The following WRN variants were observed in gnomAD, a reference collection of about 807,000 sequenced individuals.
WRN encodes the protein bifunctional 3'-5' exonuclease/ATP-dependent helicase WRN.
In WRN, 149 loss-of-function variants were observed where a neutral mutation model predicts 180.7. The observed-to-expected ratio is 0.82, with a 90% CI of 0.72 to 0.94. The LOEUF (loss-of-function observed/expected upper bound fraction) is 0.94, where lower values mean the gene tolerates loss of function less well. WRN is among the 40% of genes least tolerant of loss of function. The probability of loss-of-function intolerance (pLI) is 0.00; values close to 1 mark genes in which losing one functional copy is unlikely to be tolerated. For missense variants in WRN, 1,661 were observed against 1,700.1 expected (o/e 0.98, Z 0.40); for synonymous variants, 548 against 568.9 (o/e 0.96, Z 0.52).
chr8:31,114,173 G>A (rs1324734126), intron 19 of WRN, among the ~76,000 whole-genome samples: 2 of 152,068 alleles, frequency 1.3e-5, no homozygotes, highest in African/African-American at 2.4e-5. Flanking sequence ...AGCATTGCCC[G>A]TTATTTCCAT....
intron 11 of WRN, among the ~76,000 whole-genome samples, chr8:31,087,059 A>T (rs567491349): frequency 4.6e-4 from 53 of 115,348 alleles, no homozygotes; most frequent in African/African-American, 9.3e-4. Context: ...ACTTTTTTTT[A>T]AAAAAAAACC....
rs186424616 is a variant in WRN at position 31,167,217 on chromosome 8, G to A, written c.4178G>A (p.Gly1393Asp). Reference protein sequence around the residue: ...SSSKRSKEEVGINTETSSAER... With the variant: ...SSSKRSKEEVDINTETSSAER... ...TCTAAGAGAAGCAAGGAAGAAGTAG[G>A]CATCAATACTGAGGTATTAATTATA... The change falls in exon 34 of 35, where the codon GGC (glycine) becomes GAC (aspartate). Residue 1393 changes from glycine (G) to aspartate (D), a missense_variant. This residue lies in a region of WRN where 1,141 missense variants were observed against 1,149.4 expected (regional missense o/e 0.99). Coordinates refer to ENST00000298139, the MANE Select transcript of WRN (RefSeq NM_000553.6). The A allele has an allele frequency of 1.2e-6, 2 of 1,612,692 alleles. No homozygotes were observed. The highest frequency in any genetic ancestry group is 8.5e-7 in the Non-Finnish European group (1 of 1,179,078).
At chr8:31,092,248 A>G (rs1333058532) in intron 16 of WRN, among the ~76,000 whole-genome samples, 1 of 152,050 alleles carries the variant, frequency 6.6e-6, no homozygotes, top group Non-Finnish European at 1.5e-5. Context: ...TTGGAAGAGA[A>G]GTTGGAGAAT....
intron 34 of WRN, chr8:31,171,118 A>G (rs958808358): frequency 1.3e-5 from 2 of 152,214 alleles, no homozygotes; most frequent in African/African-American, 4.8e-5. Flanking sequence ...ACATTTAGCA[A>G]GTGGCTCAAT....
At chr8:31,153,110 T>C (rs1175362785) in intron 31 of WRN, among the ~76,000 whole-genome samples, 1 of 152,176 alleles carries the variant, frequency 6.6e-6, no homozygotes, top group Admixed American at 6.5e-5. Flanking sequence ...AACTCTTGTA[T>C]AGGACAGAAC....
chr8:31,156,892 C>T (rs987260467), intron 32 of WRN, among the ~76,000 whole-genome samples: 1 of 152,160 alleles, frequency 6.6e-6, no homozygotes, highest in African/African-American at 2.4e-5. Flanking sequence ...TTCTCAGGAA[C>T]ATTTTATAGA....
chr8:31,056,729 C>G (rs1320228702), intron 1 of WRN, among the ~76,000 whole-genome samples: 1 of 152,130 alleles, frequency 6.6e-6, no homozygotes, highest in Non-Finnish European at 1.5e-5. Flanking sequence ...TTTGGGACTC[C>G]TGTATTATTA....
chr8:31,069,346 A>G (rs1166372465), intron 7 of WRN, among the ~76,000 whole-genome samples: 5 of 152,256 alleles, frequency 3.3e-5, no homozygotes, highest in South Asian at 2.1e-4. Context: ...GCCACTTCCT[A>G]TGAATGCCTG....
intron 20 of WRN, among the ~76,000 whole-genome samples, chr8:31,117,689 T>A (rs1801574281): frequency 6.6e-6 from 1 of 152,148 alleles, no homozygotes; most frequent in Non-Finnish European, 1.5e-5. Context: ...TTCTTCTCTA[T>A]CCATCTCCTT....
chr8:31,141,312 A>G (rs759365631), intron 24 of WRN, 118 bp from the exon 25 acceptor site: 28 of 1,274,328 alleles, frequency 2.2e-5, no homozygotes, highest in Admixed American at 4.2e-5. Context: ...ACATTTTTGT[A>G]GGTTTTTAAA....
At chr8:31,095,877 G>A (rs1813945341) in intron 16 of WRN, among the ~76,000 whole-genome samples, 1 of 152,094 alleles carries the variant, frequency 6.6e-6, no homozygotes, top group Non-Finnish European at 1.5e-5. Context: ...GTATTTCTGT[G>A]AGCATGTCAG....
chr8:31,039,861 A>G (rs755190763), intron 1 of WRN, among the ~76,000 whole-genome samples: 2 of 152,014 alleles, frequency 1.3e-5, no homozygotes, highest in East Asian at 1.9e-4. Context: ...TAATTTTCTT[A>G]TGTTGAACCA....
At chr8:31,084,422 AAAG>A (rs1324152395) in intron 10 of WRN, among the ~76,000 whole-genome samples, 5 of 152,154 alleles carry the variant, frequency 3.3e-5, no homozygotes, top group African/African-American at 7.2e-5. Flanking sequence ...TTTTTTAAAA[AAAG>A]AACTTTTTTC....
rs752830087 is a variant in WRN, at chr8:31,067,051, TG to T, written c.525del (p.Trp175Ter). On this transcript the variant is annotated frameshift_variant, in exon 6 of 35. Coordinates refer to ENST00000298139, the MANE Select transcript of WRN (RefSeq NM_000553.6). LOFTEE classifies it high-confidence loss of function. ...ANKKLKCTET[W>X]SLNSLVKHLL... The stretch of plus-strand genomic sequence containing the variant: ...TTTCTAGCTGAAATGCACAGAGACC[TG>T]GAGCCTTAACAGTCTGGTTAAACAC... The T allele has an allele frequency of 1.3e-5, 21 of 1,613,898 alleles. No homozygotes were observed. Among genetic ancestry groups the T allele is most frequent in the Non-Finnish European group, 1.7e-5 (20 of 1,179,938 alleles).
chr8:31,172,868 C>A, intron 34 of WRN, 127 bp from the exon 35 acceptor site: 1 of 716,852 alleles, frequency 1.4e-6, no homozygotes, highest in Non-Finnish European at 2.4e-6. Flanking sequence ...ATATAGATAC[C>A]ACTATTTTGT....
chr8:31,056,253 G>A (rs1004451217), intron 1 of WRN, among the ~76,000 whole-genome samples: 2 of 152,166 alleles, frequency 1.3e-5, no homozygotes, highest in African/African-American at 4.8e-5. Flanking sequence ...TTTTGCCAAT[G>A]AGGTCTACTC....
At chr8:31,166,089 C>T (rs1803847850) in intron 33 of WRN, among the ~76,000 whole-genome samples, 1 of 151,898 alleles carries the variant, frequency 6.6e-6, no homozygotes, top group Non-Finnish European at 1.5e-5. Flanking sequence ...TTTGAGGAGT[C>T]TTGGAGTAGC....
At chr8:31,070,024 A>G (rs1812846277) in intron 7 of WRN, among the ~76,000 whole-genome samples, 1 of 152,074 alleles carries the variant, frequency 6.6e-6, no homozygotes, top group African/African-American at 2.4e-5. Flanking sequence ...TTGTAATGCT[A>G]CATTATTTGA....
At chr8:31,050,509 CTTTTTTT>C (rs60531883) in intron 1 of WRN, among the ~76,000 whole-genome samples, 1 of 133,144 alleles carries the variant, frequency 7.5e-6, no homozygotes, top group African/African-American at 2.7e-5. Context: ...GTTTTGGATA[CTTTTTTT>C]TTTTTTTTTT....
Sources: allele counts gnomAD v4.1 joint callset (sites outside exome capture counted in the v4.1 genomes callset), GRCh38; gene constraint gnomAD v4.1.1; regional missense constraint gnomAD v4.1.1; transcripts MANE v1.5; gene names NCBI Gene and HGNC (gene_info 2026-07-23, HGNC 2026-07-21).